ZC3H4: variants seen among roughly 807,000 people sequenced by gnomAD.
The protein encoded by ZC3H4 is zinc finger CCCH-type containing 4.
In ZC3H4, 13 loss-of-function variants were observed where a neutral mutation model predicts 108.3. The observed-to-expected ratio is 0.12, with a 90% CI of 0.08 to 0.19. ZC3H4 has a LOEUF of 0.19. Among genes scored for constraint, ZC3H4 ranks in the 10% least tolerant of loss-of-function variants. ZC3H4 has a pLI of 1.00. For synonymous variants in ZC3H4, 917 were observed against 749.6 expected (o/e 1.22, Z -3.65); for missense variants, 1,734 against 1,838.8 (o/e 0.94, Z 1.04).
At chr19:47,095,848 G>A (rs529570616) in intron 2 of ZC3H4, among the ~76,000 whole-genome samples, 3 of 152,272 alleles carry the variant, frequency 2.0e-5, no homozygotes, top group South Asian at 2.1e-4. Flanking sequence ...AACTCCTTCC[G>A]TCTCAATTAA....
intron 11 of ZC3H4, 45 bp downstream of exon 11, chr19:47,081,468 G>A: frequency 6.8e-7 from 1 of 1,478,492 alleles, no homozygotes; most frequent in Non-Finnish European, 9.5e-7. Flanking sequence ...GAGTGCGCAT[G>A]TCCCAGTTCC....
intron 1 of ZC3H4, among the ~76,000 whole-genome samples, chr19:47,112,880 G>A (rs1464246316): frequency 6.6e-6 from 1 of 152,150 alleles, no homozygotes; most frequent in African/African-American, 2.4e-5. Flanking sequence ...ACACCCGGGA[G>A]ACACGGACAC....
chr19:47,092,998 C>T (rs192178152), intron 4 of ZC3H4, among the ~76,000 whole-genome samples: 8 of 151,978 alleles, frequency 5.3e-5, no homozygotes, highest in African/African-American at 1.4e-4. Flanking sequence ...AGGCGGATCA[C>T]GAGGTCAGGA....
In ZC3H4 at chr19:47,089,975, C is replaced by T. The variant is rs781651828; in HGVS notation, c.707G>A (p.Arg236His). ...QYRRAKEGSS[R>H]GRGSRGRGRG... is the part of the protein sequence containing the mutation. Reference sequence around the variant, plus strand: ...GTAAGGGCAGGGCTCACCTCGGCCGCGGCTGCTGCCCTCCTTGGCACGCCG... The same window carrying T: ...GTAAGGGCAGGGCTCACCTCGGCCGTGGCTGCTGCCCTCCTTGGCACGCCG... The change falls in exon 5 of 15, where the codon CGC (arginine) becomes CAC (histidine). Residue 236 changes from arginine to histidine, a missense_variant. Arg to His is a conservative substitution (Grantham distance 29). This residue lies in a region of ZC3H4 where 403 missense variants were observed against 457.0 expected (regional missense o/e 0.88). Transcript: ENST00000253048. 2.0e-5 allele frequency: 33 copies of T among 1,614,192 alleles called. No homozygotes were observed. The highest frequency in any genetic ancestry group is 8.9e-5 in the East Asian group (4 of 44,884).
chr19:47,103,321 T>C (rs1259764088), intron 2 of ZC3H4, among the ~76,000 whole-genome samples: 1 of 152,170 alleles, frequency 6.6e-6, no homozygotes, highest in Admixed American at 6.6e-5. Flanking sequence ...TATTTATTTC[T>C]ACACAGGGTC....
intron 11 of ZC3H4, among the ~76,000 whole-genome samples, chr19:47,076,362 C>T (rs2057420139): frequency 6.6e-6 from 1 of 152,112 alleles, no homozygotes; most frequent in South Asian, 2.1e-4. Context: ...CTCTTAAAGC[C>T]TGTTTACCCC....
intron 2 of ZC3H4, among the ~76,000 whole-genome samples, chr19:47,107,371 T>C (rs1346176853): frequency 6.6e-6 from 1 of 152,178 alleles, no homozygotes; most frequent in Non-Finnish European, 1.5e-5. Flanking sequence ...ACAAGGACCC[T>C]GAGAAGTGGG....
chr19:47,103,953 G>A (rs959406417), intron 2 of ZC3H4, among the ~76,000 whole-genome samples: 1 of 151,384 alleles, frequency 6.6e-6, no homozygotes, highest in Non-Finnish European at 1.5e-5. Flanking sequence ...TAAAAAATAT[G>A]TAAAAATAAA....
rs748004456 is a variant in ZC3H4, at chr19:47,072,053, A to G, written c.1871T>C (p.Met624Thr). 6.3e-7 allele frequency: 1 copy of G among 1,584,632 alleles called. No homozygotes were observed. The highest frequency in any genetic ancestry group is 1.1e-5 in the South Asian group (1 of 87,928). Reference sequence around the variant, plus strand: ...CATGTCAGGATGCATTGGACCGCCCATTGGCCCTGGGGGTCCCATGTTGGG... The same window carrying G: ...CATGTCAGGATGCATTGGACCGCCCGTTGGCCCTGGGGGTCCCATGTTGGG... Reference protein sequence around the residue: ...PGPNMGPPGPMGGPMHPDMHP... With the variant: ...PGPNMGPPGPTGGPMHPDMHP... The change falls in exon 13 of 15, where the codon ATG becomes ACG. Residue 624 changes from methionine to threonine, a missense_variant. Transcript: ENST00000253048. This position sits in a 1 kb window ranked among gnomAD's most constrained non-coding sequence, Gnocchi z 5.6.
chr19:47,112,193 G>C, intron 2 of ZC3H4: 9 of 1,210,224 alleles, frequency 7.4e-6, no homozygotes, highest in Non-Finnish European at 9.2e-6. Context: ...GAGAGCGAGG[G>C]AGAGCGGGCG....
rs748848632 is a variant in ZC3H4, at chr19:47,067,237, G to A, written c.3031C>T (p.Arg1011Trp). The A allele has an allele frequency of 2.9e-5, 47 of 1,603,652 alleles. No homozygotes were observed. The highest frequency in any genetic ancestry group is 8.1e-5 in the African/African-American group (6 of 74,530). The change falls in exon 15 of 15, where the codon CGG (arginine) becomes TGG (tryptophan). Residue 1011 changes from arginine (R) to tryptophan (W), a missense_variant. This residue lies in a region of ZC3H4 where 518 missense variants were observed against 499.6 expected (regional missense o/e 1.04). Coordinates refer to ENST00000253048, the MANE Select transcript of ZC3H4 (RefSeq NM_015168.2). The surrounding 1 kb of genome is among the most constrained non-coding windows in gnomAD (Gnocchi z 6.4). ...ALQSMPTLDP[R>W]LHRAATAGPP... ...CCTGCCGTGGCAGCGCGGTGCAGCC[G>A]GGGGTCCAGGGTGGGCATGGATTGC...
chr19:47,101,701 T>C (rs1350359735), intron 2 of ZC3H4, among the ~76,000 whole-genome samples: 1 of 151,420 alleles, frequency 6.6e-6, no homozygotes, highest in Non-Finnish European at 1.5e-5. Flanking sequence ...AGAAACCCCA[T>C]CTCTACTAAA....
At chr19:47,089,577 G>A (rs962149743) in intron 5 of ZC3H4, among the ~76,000 whole-genome samples, 1 of 152,212 alleles carries the variant, frequency 6.6e-6, no homozygotes, top group African/African-American at 2.4e-5. Context: ...CAGAGGTGTG[G>A]CAGTGGCAAG....
chr19:47,096,027 C>CT (rs761003523), intron 2 of ZC3H4, among the ~76,000 whole-genome samples: 4 of 152,214 alleles, frequency 2.6e-5, no homozygotes, highest in Non-Finnish European at 5.9e-5. Flanking sequence ...CAGACTCCTC[C>CT]TCCCAGGACC....
rs1379567639 is a variant in ZC3H4 at position 47,109,342 on chromosome 19, T to C, written c.161+3082A>G. 2.0e-5 allele frequency among the ~76,000 whole-genome samples: 3 copies of C among 152,250 alleles called. No individual in the cohort carries two copies. In the East Asian group the frequency reaches 5.8e-4, roughly 29 times the overall value. On this transcript the variant is annotated intron_variant, in intron 2 of 14. Coordinates refer to ENST00000253048, the MANE Select transcript of ZC3H4 (RefSeq NM_015168.2). ...GAAATAGTTTCAAATTCACTGAACA[T>C]TGCTAAAAAATTTCACTTACAAAAG...
intron 2 of ZC3H4, among the ~76,000 whole-genome samples, chr19:47,104,626 T>G (rs2057945959): frequency 6.6e-6 from 1 of 152,244 alleles, no homozygotes; most frequent in Non-Finnish European, 1.5e-5. Context: ...CAAGTGTTTA[T>G]CAAGGGTTTC....
intron 6 of ZC3H4, 106 bp downstream of exon 6, chr19:47,086,278 C>T (rs2057620537): frequency 7.6e-6 from 10 of 1,310,458 alleles, no homozygotes; most frequent in Non-Finnish European, 1.1e-5. Context: ...TTCAGAAGGG[C>T]CGTATGTCTT....
At chr19:47,094,636 A>G (rs1283924762) in intron 2 of ZC3H4, 28 bp from the exon 3 acceptor site, 4 of 1,612,048 alleles carry the variant, frequency 2.5e-6, no homozygotes, top group Non-Finnish European at 3.4e-6. Flanking sequence ...TCCCACCATG[A>G]ACACAGGGTT....
At position 47,086,469 on chromosome 19, in the gene ZC3H4, C is replaced by G. The variant is rs565442036; in HGVS notation, c.785G>C (p.Gly262Ala). Residue 262 changes from glycine to alanine, a missense_variant, in exon 6 of 15, where the codon GGC becomes GCC. Physicochemically the swap from Gly to Ala is moderately conservative, Grantham distance 60. This residue lies in a region of ZC3H4 where 403 missense variants were observed against 457.0 expected (regional missense o/e 0.88). Coordinates refer to ENST00000253048, the MANE Select transcript of ZC3H4 (RefSeq NM_015168.2). ...TCTGCCCCTGCCTCGGCTGCCCCTG[C>G]CCATGCCGCGGCCTCGCGATCCTCC... The part of the protein sequence containing the change: ...SRGGSRGRGM[G>A]RGSRGRGRGS... 6.2e-7 allele frequency: 1 copy of G among 1,610,980 alleles called. No homozygotes were observed. Among genetic ancestry groups the G allele is most frequent in the African/African-American group, 1.3e-5 (1 of 74,834 alleles).
Sources: gnomAD v4.1 joint callset for allele counts (sites outside exome capture counted in the v4.1 genomes callset) on GRCh38, gnomAD v4.1.1 for gene constraint, gnomAD v4.1.1 regional missense constraint, Gnocchi (gnomAD v3.1) non-coding constraint, MANE v1.5 for transcripts, NCBI Gene and HGNC (gene_info 2026-07-23, HGNC 2026-07-21) for gene names.